The following PLEKHA6 variants were observed in gnomAD, a reference collection of about 807,000 sequenced individuals.
The protein encoded by PLEKHA6 is pleckstrin homology domain-containing family A member 6.
In PLEKHA6, 60 loss-of-function variants were observed where a neutral mutation model predicts 116.7. The ratio of observed to expected loss-of-function variants is 0.51; its 90% confidence interval spans 0.42 to 0.64. The LOEUF is 0.64. Ranked by LOEUF, PLEKHA6 falls within the 30% of genes least tolerant of loss-of-function variation. PLEKHA6 has a pLI of 0.00. For synonymous variants in PLEKHA6, 489 were observed against 556.1 expected (o/e 0.88, Z 1.70); for missense variants, 1,338 against 1,422.7 (o/e 0.94, Z 0.96).
At chr1:204,306,604 G>A (rs539593150) in intron 1 of PLEKHA6, among the ~76,000 whole-genome samples, 1 of 152,340 alleles carries the variant, frequency 6.6e-6, no homozygotes, top group East Asian at 1.9e-4. Flanking sequence ...ATGCTGGAAT[G>A]CATAAGGATC....
chr1:204,301,043 G>T (rs1439794203), intron 1 of PLEKHA6: 2 of 156,524 alleles, frequency 1.3e-5, no homozygotes, highest in Admixed American at 6.5e-5. Flanking sequence ...GACGCTCTCA[G>T]TCTGGCTGCA....
chr1:204,355,628 T>A (rs1673392895), intron 1 of PLEKHA6, among the ~76,000 whole-genome samples: 1 of 151,610 alleles, frequency 6.6e-6, no homozygotes, highest in South Asian at 2.1e-4. Context: ...TTAACAGAGA[T>A]GGGGTTTCAC....
chr1:204,308,681 C>CTTTTCCT (rs1671503178), intron 1 of PLEKHA6, among the ~76,000 whole-genome samples: 1 of 48,462 alleles, frequency 2.1e-5, no homozygotes, highest in Non-Finnish European at 4.9e-5. Context: ...AATTCTTTTT[C>CTTTTCCT]TTTTTCTTTT....
chr1:204,362,601 G>A (rs529340862), upstream of PLEKHA6, among the ~76,000 whole-genome samples: 5 of 152,296 alleles, frequency 3.3e-5, no homozygotes, highest in Admixed American at 6.5e-5. Context: ...AGGGAGCTCC[G>A]TGGGATGAAC....
intron 1 of PLEKHA6, among the ~76,000 whole-genome samples, chr1:204,333,120 G>C (rs956624333): frequency 9.9e-5 from 15 of 152,226 alleles, no homozygotes; most frequent in African/African-American, 3.6e-4. Flanking sequence ...ACCCTGCCCA[G>C]GAGAGCCAGA....
chr1:204,261,886 C>T lies in PLEKHA6; in HGVS notation c.382-438G>A, dbSNP rs1666163367. 4.3e-6 allele frequency: 1 copy of T among 233,192 alleles called. No homozygotes were observed. The allele number at this position is 233,192 out of a possible 1,614,324, so 14.4% of individuals were successfully genotyped here. A position where few individuals can be genotyped will look rare whatever the true frequency, so the allele number is the denominator to read the frequency against. On this transcript the variant is annotated intron_variant, in intron 6 of 22. Coordinates refer to ENST00000272203, the MANE Select transcript of PLEKHA6 (RefSeq NM_014935.5). The surrounding 1 kb of genome is among the most constrained non-coding windows in gnomAD (Gnocchi z 4.0). Reference sequence around the variant, plus strand: ...GCTGAGAAGCTAGCACTGTCTCTTCCACGTGGAGAGACAGCCAAGCCCCTC... The same window carrying T: ...GCTGAGAAGCTAGCACTGTCTCTTCTACGTGGAGAGACAGCCAAGCCCCTC...
intron 7 of PLEKHA6, among the ~76,000 whole-genome samples, chr1:204,260,389 C>T (rs1002073181): frequency 6.6e-6 from 1 of 152,216 alleles, no homozygotes; most frequent in Admixed American, 6.5e-5. Flanking sequence ...CCAGGACTGA[C>T]TTTCCATGAG....
intron 1 of PLEKHA6, chr1:204,280,374 T>G: frequency 1.0e-6 from 1 of 985,424 alleles, no homozygotes; most frequent in Non-Finnish European, 1.2e-6. Flanking sequence ...ACTCCCAGGC[T>G]GGATGCCCAG....
intron 1 of PLEKHA6, chr1:204,346,817 G>T: frequency 3.1e-6 from 4 of 1,293,986 alleles, no homozygotes; most frequent in Non-Finnish European, 4.5e-6. Context: ...AGCAGCTCAG[G>T]CTCCTTCCCA....
At chr1:204,281,926 G>C (rs922344660) in intron 1 of PLEKHA6, among the ~76,000 whole-genome samples, 11 of 152,266 alleles carry the variant, frequency 7.2e-5, no homozygotes, top group Admixed American at 7.2e-4. Flanking sequence ...CCTGTTATGG[G>C]CAGTTATGGA....
At chr1:204,351,197 G>A (rs1458879517) in intron 1 of PLEKHA6, among the ~76,000 whole-genome samples, 3 of 152,010 alleles carry the variant, frequency 2.0e-5, no homozygotes, top group African/African-American at 7.2e-5. Flanking sequence ...GGGGAGTGGG[G>A]TGTGGCGGGG....
At chr1:204,326,713 G>A (rs149903758) in intron 1 of PLEKHA6, among the ~76,000 whole-genome samples, 34 of 152,264 alleles carry the variant, frequency 2.2e-4, no homozygotes, top group African/African-American at 5.8e-4. Flanking sequence ...ATTAAGAGTC[G>A]GAGGATAAAT....
intron 1 of PLEKHA6, among the ~76,000 whole-genome samples, chr1:204,327,335 T>G (rs1195656375): frequency 6.6e-6 from 1 of 152,234 alleles, no homozygotes; most frequent in Non-Finnish European, 1.5e-5. Flanking sequence ...GCTCCATTCC[T>G]TTCTGTCTCC....
chr1:204,341,553 A>G (rs1327798402), intron 1 of PLEKHA6, among the ~76,000 whole-genome samples: 1 of 152,204 alleles, frequency 6.6e-6, no homozygotes, highest in African/African-American at 2.4e-5. Context: ...CTGGCTAAAT[A>G]AATGAATGAG....
At chr1:204,237,529 T>C (rs1026148999) in intron 17 of PLEKHA6, among the ~76,000 whole-genome samples, 13 of 152,212 alleles carry the variant, frequency 8.5e-5, no homozygotes, top group Non-Finnish European at 1.0e-4. Flanking sequence ...CAATGGATTA[T>C]TGTGAGCTTA....
intron 1 of PLEKHA6, chr1:204,275,028 T>A: frequency 1.4e-6 from 1 of 706,180 alleles, no homozygotes; most frequent in Non-Finnish European, 1.7e-6. Flanking sequence ...CACCTCCCAC[T>A]AGTCAGTGCT....
chr1:204,247,611 G>T, intron 12 of PLEKHA6, 151 bp from the exon 13 acceptor site: 1 of 572,100 alleles, frequency 1.7e-6, no homozygotes, highest in Non-Finnish European at 3.2e-6. Flanking sequence ...ACCAGGCTGA[G>T]ACATTCTGGT....
intron 15 of PLEKHA6, among the ~76,000 whole-genome samples, chr1:204,243,571 C>T (rs1191879044): frequency 6.6e-6 from 1 of 152,238 alleles, no homozygotes; most frequent in South Asian, 2.1e-4. Context: ...CACCCTTTTG[C>T]TTCCACCCAC....
chr1:204,376,746 A>G (rs1461224852), intron 1 of PLEKHA6, among the ~76,000 whole-genome samples: 1 of 152,196 alleles, frequency 6.6e-6, no homozygotes, highest in Non-Finnish European at 1.5e-5. Context: ...TGTTTCTAAG[A>G]TTCCTTGTAG....
Sources: gnomAD v4.1 joint callset for allele counts (sites outside exome capture counted in the v4.1 genomes callset) on GRCh38, gnomAD v4.1.1 for gene constraint, Gnocchi (gnomAD v3.1) non-coding constraint, MANE v1.5 for transcripts, NCBI Gene and HGNC (gene_info 2026-07-23, HGNC 2026-07-21) for gene names.